LANCL3: variants seen among roughly 807,000 people sequenced by gnomAD.
LANCL3 encodes the protein lanC-like protein 3.
Under a neutral mutation model 26.5 loss-of-function variants are expected in LANCL3, and 19 were observed. The ratio of observed to expected loss-of-function variants is 0.72; its 90% CI spans 0.50 to 1.05. LANCL3 has a LOEUF of 1.05. Among genes scored for constraint, LANCL3 ranks in the 50% least tolerant of loss-of-function variants. The pLI is 0.00. For missense variants in LANCL3, 318 were observed against 362.7 expected (o/e 0.88, Z 1.00); for synonymous variants, 160 against 166.6 (o/e 0.96, Z 0.30).
chrX:37,632,786 C>T (rs138729955), intron 1 of LANCL3, among the ~76,000 whole-genome samples: 1 of 111,068 alleles, frequency 9.0e-6, no homozygotes, highest in African/African-American at 3.3e-5. Context: ...TTGGCCCCCA[C>T]TCTCTTCTGG....
At chrX:37,630,118 T>C (rs782792415) in intron 1 of LANCL3, among the ~76,000 whole-genome samples, 1 of 111,289 alleles carries the variant, frequency 9.0e-6, no homozygotes, top group African/African-American at 3.3e-5. Flanking sequence ...TATCCTCTTT[T>C]ATTTCATTGA....
chrX:37,629,372 C>A (rs1250580958), intron 1 of LANCL3, among the ~76,000 whole-genome samples: 3 of 108,298 alleles, frequency 2.8e-5, no homozygotes, highest in Non-Finnish European at 5.8e-5. Context: ...GAGTAGGTTG[C>A]GAAAATTTTC....
chrX:37,635,414 A>T (rs183078384), intron 1 of LANCL3, among the ~76,000 whole-genome samples: 52 of 112,116 alleles, frequency 4.6e-4, no homozygotes, highest in African/African-American at 1.4e-3. Context: ...TATATTCTGT[A>T]AACAAATATC....
intron 1 of LANCL3, among the ~76,000 whole-genome samples, chrX:37,574,846 A>G: frequency 9.3e-6 from 1 of 107,162 alleles, no homozygotes. Context: ...TACTTGGAAC[A>G]CTCCCTCTAG....
rs200149842 is a variant in LANCL3, at chrX:37,677,138, ATGTGTGTGTG to A, written c.*1345_*1354del. ...TAGTCATTAAATATTTGGATATATT[ATGTGTGTGTG>A]TGTGTGTGTGTGTGTGTGTATGGTG... On this transcript the variant is annotated 3_prime_UTR_variant, in exon 5 of 5. Transcript: ENST00000378619. 1.0e-5 allele frequency: 1 copy of A among 99,463 alleles called. No individual in the cohort carries two copies. Among genetic ancestry groups the A allele is most frequent in the Admixed American group, 1.1e-4 (1 of 9,232 alleles). 8.2% of individuals were successfully genotyped at this position (99,463 alleles called of 1,213,427 possible). A position where few individuals can be genotyped will look rare whatever the true frequency, so the allele number is the denominator to read the frequency against.
chrX:37,664,635 G>T (rs1419022016), intron 3 of LANCL3, among the ~76,000 whole-genome samples: 1 of 111,259 alleles, frequency 9.0e-6, no homozygotes, highest in African/African-American at 3.3e-5. Context: ...CATGTCACTG[G>T]GGTTTGGCGT....
chrX:37,648,837 CA>C (rs782273543), intron 1 of LANCL3, among the ~76,000 whole-genome samples: 1 of 111,416 alleles, frequency 9.0e-6, no homozygotes, highest in Non-Finnish European at 1.9e-5. Context: ...TTTACATGGC[CA>C]AAAAACATGA....
chrX:37,606,956 C>T (rs1032251495), intron 1 of LANCL3, among the ~76,000 whole-genome samples: 1 of 111,894 alleles, frequency 8.9e-6, no homozygotes, highest in Non-Finnish European at 1.9e-5. Context: ...GGGTCTAGTC[C>T]TCTTCATCTA....
chrX:37,605,931 ACCT>A (rs1924701403), intron 1 of LANCL3, among the ~76,000 whole-genome samples: 1 of 110,355 alleles, frequency 9.1e-6, no homozygotes, highest in Non-Finnish European at 1.9e-5. Context: ...TATTGTCTGA[ACCT>A]CCTCTTCCTG....
chrX:37,600,311 A>G (rs1466920710), intron 1 of LANCL3, among the ~76,000 whole-genome samples: 1 of 112,271 alleles, frequency 8.9e-6, no homozygotes, highest in African/African-American at 3.2e-5. Context: ...GTAGTTATGC[A>G]TAGGAAAAAT....
At chrX:37,649,913 T>A (rs1259829052) in intron 1 of LANCL3, among the ~76,000 whole-genome samples, 2 of 111,391 alleles carry the variant, frequency 1.8e-5, no homozygotes, top group African/African-American at 6.5e-5. Flanking sequence ...TATATTATTA[T>A]TACTTTGGTT....
At chrX:37,579,214 A>G (rs1233801579) in intron 1 of LANCL3, among the ~76,000 whole-genome samples, 2 of 110,942 alleles carry the variant, frequency 1.8e-5, no homozygotes, top group African/African-American at 3.3e-5. Context: ...TGGTTATACT[A>G]TAACCCTTAT....
At chrX:37,584,309 G>A (rs1369425358) in intron 1 of LANCL3, among the ~76,000 whole-genome samples, 2 of 107,141 alleles carry the variant, frequency 1.9e-5, no homozygotes, top group Non-Finnish European at 3.8e-5. Flanking sequence ...CCAGGCTTTG[G>A]TGTCAGGATG....
chrX:37,572,634 C>T (rs1222857648), intron 1 of LANCL3, among the ~76,000 whole-genome samples, 191 bp downstream of exon 1: 1 of 112,231 alleles, frequency 8.9e-6, no homozygotes, highest in Non-Finnish European at 1.9e-5. Flanking sequence ...CTGTCGTTTT[C>T]AGTCTCTCAT....
chrX:37,606,494 A>T (rs191746815), intron 1 of LANCL3, among the ~76,000 whole-genome samples: 1 of 112,163 alleles, frequency 8.9e-6, no homozygotes, highest in African/African-American at 3.2e-5. Flanking sequence ...TCTCTACACC[A>T]TGCAGGAATA....
intron 3 of LANCL3, among the ~76,000 whole-genome samples, chrX:37,665,500 T>G (rs781927848): frequency 8.9e-6 from 1 of 112,454 alleles, no homozygotes; most frequent in Non-Finnish European, 1.9e-5. Context: ...TCCACCTTTC[T>G]GATTCTGCTA....
intron 1 of LANCL3, among the ~76,000 whole-genome samples, chrX:37,653,267 C>T (rs1926201620): frequency 9.0e-6 from 1 of 111,027 alleles, no homozygotes; most frequent in African/African-American, 3.3e-5. Flanking sequence ...TAAAAATAAG[C>T]AGGCAAACAC....
chrX:37,579,435 G>A (rs1923839853), intron 1 of LANCL3, among the ~76,000 whole-genome samples: 1 of 111,783 alleles, frequency 8.9e-6, no homozygotes, highest in African/African-American at 3.3e-5. Context: ...CACTTACTAA[G>A]TGACCATGGG....
At chrX:37,668,866 C>T (rs1461096098) in intron 4 of LANCL3, among the ~76,000 whole-genome samples, 2 of 112,032 alleles carry the variant, frequency 1.8e-5, no homozygotes, top group Non-Finnish European at 3.8e-5. Flanking sequence ...CAAGGTCACA[C>T]AACCTTTAAC....
Sources: allele counts gnomAD v4.1 joint callset (sites outside exome capture counted in the v4.1 genomes callset), GRCh38; gene constraint gnomAD v4.1.1; transcripts MANE v1.5; gene names NCBI Gene and HGNC (gene_info 2026-07-23, HGNC 2026-07-21).